The following SLC5A5 variants were observed in gnomAD, a reference collection of about 807,000 sequenced individuals.
SLC5A5 encodes the protein solute carrier family 5 member 5.
Under a neutral mutation model 68.6 loss-of-function variants are expected in SLC5A5, and 56 were observed. The observed-to-expected ratio is 0.82, with a 90% CI of 0.66 to 1.02. The LOEUF is 1.02. Ranked by LOEUF, SLC5A5 falls within the 50% of genes least tolerant of loss-of-function variation. SLC5A5 has a pLI of 0.00. For synonymous variants in SLC5A5, 398 were observed against 373.0 expected (o/e 1.07, Z -0.77); for missense variants, 807 against 859.8 (o/e 0.94, Z 0.77).
intron 13 of SLC5A5, among the ~76,000 whole-genome samples, chr19:17,890,469 G>T (rs116913491): frequency 0.049 from 7,527 of 152,196 alleles, 255 homozygotes; most frequent in Non-Finnish European, 0.077. Context: ...ACGGCTCACT[G>T]CAGCCTCGAC....
intron 10 of SLC5A5, 53 bp downstream of exon 10, chr19:17,882,272 T>C: frequency 7.2e-7 from 1 of 1,392,980 alleles, no homozygotes; most frequent in Non-Finnish European, 1.0e-6. Context: ...GGGGCACCTT[T>C]CCCTCTTTCC....
rs2030345538 is a variant in SLC5A5 at position 17,894,764 on chromosome 19, T to G, written c.*887T>G. 6.6e-6 allele frequency: 1 copy of G among 152,298 alleles called. No individual in the cohort carries two copies. Among genetic ancestry groups the G allele is most frequent in the African/African-American group, 2.4e-5 (1 of 41,440 alleles). 9.4% of individuals were successfully genotyped at this position (152,298 alleles called of 1,614,324 possible). A position where few individuals can be genotyped will look rare whatever the true frequency, so the allele number is the denominator to read the frequency against. ...CTAGCGTCCCCTCCTCACCTGACAA[T>G]GGAGGCTCTCGAATTGGGTTGTGTC... is the stretch of plus-strand genomic sequence containing the variant. On this transcript the variant is annotated 3_prime_UTR_variant, in exon 15 of 15. Coordinates refer to ENST00000222248, the MANE Select transcript of SLC5A5 (RefSeq NM_000453.3).
chr19:17,883,693 G>A lies in SLC5A5; in HGVS notation c.1255G>A (p.Val419Ile), dbSNP rs753050241. Residue 419 changes from valine (V) to isoleucine (I), a missense_variant, in exon 11 of 15, where the codon GTC becomes ATC. Val to Ile is a conservative substitution (Grantham distance 29). Coordinates refer to ENST00000222248, the MANE Select transcript of SLC5A5 (RefSeq NM_000453.3). ...GGGVLQGSFTVMGVISGPLLG... is the reference protein window; with the variant it reads ...GGGVLQGSFTIMGVISGPLLG... ...CCTACTCTCCCAGGGCTCCTTCACC[G>A]TCATGGGAGTCATCAGCGGCCCCCT... 3 of 1,612,970 alleles carry A rather than the reference G, an allele frequency of 1.9e-6. No homozygotes were observed. The highest frequency in any genetic ancestry group is 2.2e-5 in the East Asian group (1 of 44,830).
At chr19:17,885,883 C>T (rs550690071) in intron 12 of SLC5A5, among the ~76,000 whole-genome samples, 16 of 152,088 alleles carry the variant, frequency 1.1e-4, no homozygotes, top group African/African-American at 2.4e-4. Flanking sequence ...TTTTTTGAGA[C>T]GGGGTTTCAC....
chr19:17,875,343 C>T (rs1284861044), intron 4 of SLC5A5, among the ~76,000 whole-genome samples: 1 of 151,808 alleles, frequency 6.6e-6, no homozygotes, highest in Non-Finnish European at 1.5e-5. Context: ...GCACTCCAGC[C>T]TGGGCGACAG....
intron 1 of SLC5A5, among the ~76,000 whole-genome samples, chr19:17,873,845 C>A (rs2094300223): frequency 6.6e-6 from 1 of 152,222 alleles, no homozygotes; most frequent in African/African-American, 2.4e-5. Flanking sequence ...GCTTGCGGGC[C>A]ACGTCGGTGT....
intron 13 of SLC5A5, among the ~76,000 whole-genome samples, chr19:17,888,675 CAGGCTGG>C (rs1896826053): frequency 1.3e-5 from 2 of 151,236 alleles, no homozygotes; most frequent in African/African-American, 4.9e-5. Flanking sequence ...CTCTGTCACC[CAGGCTGG>C]AGTGCAGTGG....
chr19:17,883,926 GCGAGCA>G lies in SLC5A5; in HGVS notation c.1407_1412del (p.Ser469_Gln471delinsArg). On this transcript the variant is annotated inframe_deletion, in exon 12 of 15. Coordinates refer to ENST00000222248, the MANE Select transcript of SLC5A5 (RefSeq NM_000453.3). ...TTGGGCGCCACGCTGTACCCACCCA[GCGAGCA>G]GACCATGAGGGTCCTGCCATCGTCG... is the stretch of plus-strand genomic sequence containing the variant. 3.2e-6 allele frequency: 5 copies of G among 1,564,462 alleles called. No individual in the cohort carries two copies. The highest frequency in any genetic ancestry group is 3.5e-6 in the Non-Finnish European group (4 of 1,156,028).
intron 7 of SLC5A5, 79 bp downstream of exon 7, chr19:17,878,172 G>A (rs2094312195): frequency 2.0e-6 from 3 of 1,513,394 alleles, no homozygotes; most frequent in Non-Finnish European, 2.7e-6. Flanking sequence ...AGCATTCCTA[G>A]CAGAGGGAAT....
intron 12 of SLC5A5, 97 bp from the exon 13 acceptor site, chr19:17,888,234 A>T: frequency 6.9e-7 from 1 of 1,444,034 alleles, no homozygotes; most frequent in Non-Finnish European, 9.6e-7. Flanking sequence ...AGGCCATGGC[A>T]GTTGGGGGAA....
At chr19:17,874,389 C>A in intron 2 of SLC5A5, 105 bp from the exon 3 acceptor site, 1 of 1,208,664 alleles carries the variant, frequency 8.3e-7, no homozygotes, top group Non-Finnish European at 1.2e-6. Context: ...AAGACCCGGC[C>A]TATCTGCCCC....
At position 17,884,351 on chromosome 19, in the gene SLC5A5, G is replaced by C. The variant is rs557265614; in HGVS notation, c.1526+305G>C. ...CTCGCTCTGTGGTCCAGGCTGGAAT[G>C]CAGGGGTGCAATCTCAGCTTACTGC... On this transcript the variant is annotated intron_variant, in intron 12 of 14. Coordinates refer to ENST00000222248, the MANE Select transcript of SLC5A5 (RefSeq NM_000453.3). Among the ~76,000 whole-genome samples, 514 of 150,594 alleles carry C rather than the reference G, an allele frequency of 3.4e-3. 4 individuals carry two copies. The highest frequency in any genetic ancestry group is 0.012 in the African/African-American group (468 of 40,000).
At chr19:17,875,904 G>T (rs1342818032) in intron 4 of SLC5A5, 48 bp from the exon 5 acceptor site, 1 of 1,609,208 alleles carries the variant, frequency 6.2e-7, no homozygotes, top group Non-Finnish European at 8.5e-7. Flanking sequence ...CTGAAGGCCA[G>T]GTCCCCCATC....
chr19:17,874,128 C>T lies in SLC5A5; in HGVS notation c.358-10C>T. On this transcript the variant is annotated splice_polypyrimidine_tract_variant and intron_variant, in intron 1 of 14. Transcript: ENST00000222248. ...GGACTGTCCAGGTGACCTCGAGTCC[C>T]TCCTTGCAGTACCTGGAGATGCGCT... The T allele has an allele frequency of 1.2e-6, 2 of 1,606,408 alleles. No homozygotes were observed. Among genetic ancestry groups the T allele is most frequent in the Non-Finnish European group, 1.7e-6 (2 of 1,173,384 alleles).
intron 14 of SLC5A5, 96 bp from the exon 15 acceptor site, chr19:17,893,617 G>T: frequency 7.9e-7 from 1 of 1,271,524 alleles, no homozygotes; most frequent in Non-Finnish European, 1.1e-6. Context: ...GCCCCGTCCC[G>T]CCAGGTCATC....
chr19:17,878,084 C>T lies in SLC5A5; in HGVS notation c.960C>T (p.Ala320=). The change falls in exon 7 of 15, where the codon GCC becomes GCT. Residue 320 remains alanine, a synonymous_variant. Coordinates refer to ENST00000222248, the MANE Select transcript of SLC5A5 (RefSeq NM_000453.3). ...CTCTCCTCCTGGGGCGCATCTCTGC[C>T]CCAGACCAGGTGAGTCCCACCCAGG... ...CDPLLLGRIS[A]PDQYMPLLVL... is the part of the protein sequence containing the mutation. 3 of 1,611,486 alleles carry T rather than the reference C, an allele frequency of 1.9e-6. No homozygotes were observed. Among genetic ancestry groups the T allele is most frequent in the Non-Finnish European group, 2.5e-6 (3 of 1,180,020 alleles).
chr19:17,886,965 C>T (rs2029944470), intron 12 of SLC5A5, among the ~76,000 whole-genome samples: 1 of 152,070 alleles, frequency 6.6e-6, no homozygotes, highest in Non-Finnish European at 1.5e-5. Context: ...GTCCCAGCTC[C>T]TTGGGAGGCT....
rs772763011 is a variant in SLC5A5 at position 17,894,143 on chromosome 19, C to CTTTT, written c.*285_*288dup. On this transcript the variant is annotated 3_prime_UTR_variant, in exon 15 of 15. Coordinates refer to ENST00000222248, the MANE Select transcript of SLC5A5 (RefSeq NM_000453.3). The stretch of plus-strand genomic sequence containing the variant: ...AATAAGGCTGGGTTTTTCTCTCTCT[C>CTTTT]TTTTTTTTTTTTTTTTTTTTTTGAG... The CTTTT allele has an allele frequency of 6.3e-4, 167 of 263,052 alleles. 4 individuals are homozygous for CTTTT. The highest frequency in any genetic ancestry group is 3.8e-3 in the African/African-American group (127 of 33,052). The allele number at this position is 263,052 out of a possible 1,614,324, so 16.3% of individuals were successfully genotyped here.
intron 5 of SLC5A5, among the ~76,000 whole-genome samples, 168 bp from the exon 6 acceptor site, chr19:17,877,555 G>A (rs2094310300): frequency 6.6e-6 from 1 of 152,088 alleles, no homozygotes; most frequent in Non-Finnish European, 1.5e-5. Flanking sequence ...TGATCCATCC[G>A]CCTTGGCCTC....
Sources: gnomAD v4.1 joint callset for allele counts (sites outside exome capture counted in the v4.1 genomes callset) on GRCh38, gnomAD v4.1.1 for gene constraint, MANE v1.5 for transcripts, NCBI Gene and HGNC (gene_info 2026-07-23, HGNC 2026-07-21) for gene names.